PRKG1: variants seen among roughly 807,000 people sequenced by gnomAD.
PRKG1 encodes protein kinase cGMP-dependent 1.
Under a neutral mutation model 88.1 loss-of-function variants are expected in PRKG1, and 35 were observed. That is an observed-to-expected ratio of 0.40 (90% confidence interval 0.30 to 0.53). The LOEUF is 0.53. Among genes scored for constraint, PRKG1 ranks in the 20% least tolerant of loss-of-function variants. The probability of loss-of-function intolerance (pLI) is 0.59; values close to 1 mark genes in which losing one functional copy is unlikely to be tolerated. For missense variants in PRKG1, 540 were observed against 839.8 expected (o/e 0.64, Z 4.41); for synonymous variants, 303 against 292.5 (o/e 1.04, Z -0.37).
At chr10:51,523,585 C>T (rs1841793203) in intron 3 of PRKG1, among the ~76,000 whole-genome samples, 1 of 152,184 alleles carries the variant, frequency 6.6e-6, no homozygotes, top group African/African-American at 2.4e-5. Context: ...TAGAAAGGAT[C>T]ATGGTGACAA....
chr10:51,132,860 C>T (rs1211703651), intron 1 of PRKG1, among the ~76,000 whole-genome samples: 2 of 151,840 alleles, frequency 1.3e-5, no homozygotes, highest in Admixed American at 6.6e-5. Flanking sequence ...TAATTAGCTT[C>T]ATTTAATTAT....
chr10:51,097,474 T>G (rs1030478645), intron 1 of PRKG1, among the ~76,000 whole-genome samples: 15 of 152,230 alleles, frequency 9.9e-5, no homozygotes, highest in Non-Finnish European at 2.1e-4. Context: ...TCACCCACCT[T>G]GGCTTCCCGA....
intron 3 of PRKG1, among the ~76,000 whole-genome samples, chr10:51,507,764 C>G (rs759129142): frequency 1.3e-5 from 2 of 152,090 alleles, no homozygotes; most frequent in African/African-American, 4.8e-5. Flanking sequence ...CGATGGAGCA[C>G]TTTGGAAAAG....
intron 1 of PRKG1, among the ~76,000 whole-genome samples, chr10:51,123,906 G>A (rs1845330991): frequency 6.6e-6 from 1 of 151,962 alleles, no homozygotes; most frequent in Non-Finnish European, 1.5e-5. Flanking sequence ...GGAGGGAGGT[G>A]TCATGTACTT....
intron 9 of PRKG1, among the ~76,000 whole-genome samples, chr10:52,224,838 T>TATATATATATATATATATAC (rs1172536011): frequency 4.0e-4 from 54 of 135,848 alleles, no homozygotes; most frequent in African/African-American, 1.3e-3. Flanking sequence ...TATATATATA[T>TATATATATATATATATATAC]ACATACATAC....
chr10:51,835,177 G>C (rs1840102644), intron 4 of PRKG1, among the ~76,000 whole-genome samples: 1 of 152,170 alleles, frequency 6.6e-6, no homozygotes, highest in South Asian at 2.1e-4. Context: ...TCCCCAGAGA[G>C]GGGACAATAG....
intron 3 of PRKG1, among the ~76,000 whole-genome samples, chr10:51,520,031 C>T (rs1008973219): frequency 6.6e-5 from 10 of 152,006 alleles, no homozygotes; most frequent in Non-Finnish European, 1.2e-4. Context: ...AGTTGATATC[C>T]AGAGAAGTCA....
At chr10:52,281,935 G>T (rs1842010217) in intron 13 of PRKG1, among the ~76,000 whole-genome samples, 1 of 152,040 alleles carries the variant, frequency 6.6e-6, no homozygotes, top group South Asian at 2.1e-4. Flanking sequence ...TTAATGATGT[G>T]AATTTTATGC....
intron 4 of PRKG1, among the ~76,000 whole-genome samples, chr10:51,885,523 C>T (rs1416906544): frequency 6.6e-6 from 1 of 152,204 alleles, no homozygotes; most frequent in African/African-American, 2.4e-5. Context: ...TAGCTCCAAT[C>T]CAATTACTCT....
At chr10:51,370,338 GTT>G (rs1021349004) in intron 2 of PRKG1, among the ~76,000 whole-genome samples, 5 of 152,086 alleles carry the variant, frequency 3.3e-5, no homozygotes, top group Non-Finnish European at 7.4e-5. Flanking sequence ...TTGCAAAAGA[GTT>G]TGGTTAAATT....
chr10:51,203,091 G>A (rs1837954438), intron 2 of PRKG1, among the ~76,000 whole-genome samples: 1 of 152,120 alleles, frequency 6.6e-6, no homozygotes, highest in African/African-American at 2.4e-5. Context: ...ATTGAATACA[G>A]AGGGAGAGAG....
At chr10:51,692,039 C>T (rs1283592772) in intron 3 of PRKG1, among the ~76,000 whole-genome samples, 2 of 152,014 alleles carry the variant, frequency 1.3e-5, no homozygotes, top group African/African-American at 2.4e-5. Context: ...ATAGGCTTAG[C>T]CAAAGATAGG....
intron 3 of PRKG1, among the ~76,000 whole-genome samples, chr10:51,575,330 A>G (rs759030276): frequency 2.6e-5 from 4 of 152,014 alleles, no homozygotes. Flanking sequence ...AGATTCCAGT[A>G]AGACCAACAC....
chr10:51,003,165 AAACAACAACAACAACAACAAC>A (rs67761270), intron 1 of PRKG1, among the ~76,000 whole-genome samples: 48,634 of 150,972 alleles, frequency 0.32, 7,950 homozygotes, highest in East Asian at 0.49. Context: ...TGCAGGGCCA[AAACAACAACAACAACAACAAC>A]AACAACAACA....
At chr10:52,090,519 A>T (rs796165902) in intron 7 of PRKG1, among the ~76,000 whole-genome samples, 1 of 152,046 alleles carries the variant, frequency 6.6e-6, no homozygotes, top group African/African-American at 2.4e-5. Context: ...GGAAATAGAA[A>T]ATCATCATTG....
At chr10:51,716,977 C>T (rs1471348048) in intron 3 of PRKG1, among the ~76,000 whole-genome samples, 7 of 152,256 alleles carry the variant, frequency 4.6e-5, no homozygotes, top group African/African-American at 1.4e-4. Context: ...GGTTTACAGG[C>T]GTGAGCCACT....
intron 3 of PRKG1, among the ~76,000 whole-genome samples, chr10:51,543,318 G>GTT (rs1842360193): frequency 6.6e-6 from 1 of 152,138 alleles, no homozygotes; most frequent in Non-Finnish European, 1.5e-5. Context: ...AAACCTCCTT[G>GTT]TTTTTGTCAG....
At chr10:51,942,069 C>G (rs1308379740) in intron 5 of PRKG1, among the ~76,000 whole-genome samples, 1 of 152,046 alleles carries the variant, frequency 6.6e-6, no homozygotes, top group African/African-American at 2.4e-5. Flanking sequence ...GTCCCACCAA[C>G]AGTGTAAAAG....
At chr10:51,171,343 T>A (rs1305838891) in intron 2 of PRKG1, among the ~76,000 whole-genome samples, 1 of 152,124 alleles carries the variant, frequency 6.6e-6, no homozygotes, top group African/African-American at 2.4e-5. Context: ...AATATGATGA[T>A]TCAAATAAGA....
Sources: gnomAD v4.1 joint callset for allele counts (sites outside exome capture counted in the v4.1 genomes callset) on GRCh38, gnomAD v4.1.1 for gene constraint, MANE v1.5 for transcripts, NCBI Gene and HGNC (gene_info 2026-07-23, HGNC 2026-07-21) for gene names.